The following ARHGEF10 variants were observed in gnomAD, a reference collection of about 807,000 sequenced individuals.
ARHGEF10 encodes Rho guanine nucleotide exchange factor 10, also known as Rho guanine nucleotide exchange factor (GEF) 10.
ARHGEF10 carries 140 observed loss-of-function variants against 147.4 expected under a neutral mutation model. That is an observed-to-expected ratio of 0.95 (90% confidence interval 0.83 to 1.09). The LOEUF is 1.09. Among genes scored for constraint, ARHGEF10 ranks in the 50% least tolerant of loss-of-function variants. The pLI is 0.00. For missense variants in ARHGEF10, 2,222 were observed against 1,752.7 expected (o/e 1.27, Z -4.78); for synonymous variants, 902 against 695.8 (o/e 1.30, Z -4.67).
chr8:1,889,398 G>A (rs1215581458), intron 11 of ARHGEF10, among the ~76,000 whole-genome samples: 2 of 87,056 alleles, frequency 2.3e-5, no homozygotes, highest in Non-Finnish European at 4.5e-5. Context: ...GTGATGTGAG[G>A]CATCTGTGAG....
chr8:1,943,132 A>G (rs1814245280), intron 26 of ARHGEF10, among the ~76,000 whole-genome samples: 1 of 152,222 alleles, frequency 6.6e-6, no homozygotes, highest in African/African-American at 2.4e-5. Flanking sequence ...GCCTGAAGCA[A>G]TGGCTGCGGG....
intron 7 of ARHGEF10, among the ~76,000 whole-genome samples, chr8:1,874,722 T>C (rs1313107485): frequency 1.5e-4 from 19 of 128,592 alleles, no homozygotes; most frequent in African/African-American, 4.0e-4. Context: ...CACACCGGGG[T>C]GTGTAAGCAG....
rs200619686 is a variant in ARHGEF10 at position 1,923,005 on chromosome 8, C to G, written c.2185C>G (p.Gln729Glu). 13 of 1,613,534 alleles carry G rather than the reference C, an allele frequency of 8.1e-6. No homozygotes were observed. The East Asian group carries it at 8.9e-5, about 11-fold the overall frequency. The change falls in exon 19 of 29, where the codon CAA becomes GAA. Residue 729 changes from glutamine to glutamate, a missense_variant. Coordinates refer to ENST00000349830, the MANE Select transcript of ARHGEF10 (RefSeq NM_014629.4). ...MGPGQLYQDLQNLLHDLNVIG... is the reference protein window; with the variant it reads ...MGPGQLYQDLENLLHDLNVIG... ...GCCAGGACAACTGTATCAAGATTTA[C>G]AAAACTTGTTGCATGACTTAAATGT...
chr8:1,943,353 G>A (rs143999504), intron 26 of ARHGEF10, among the ~76,000 whole-genome samples: 11 of 152,202 alleles, frequency 7.2e-5, no homozygotes, highest in African/African-American at 2.2e-4. Context: ...AGCCAGTGCC[G>A]CGAGGAGGCC....
At chr8:1,827,764 T>G (rs1030786328) in intron 1 of ARHGEF10, among the ~76,000 whole-genome samples, 3 of 152,292 alleles carry the variant, frequency 2.0e-5, no homozygotes, top group Admixed American at 2.0e-4. Context: ...GTGAAAAAGG[T>G]GTAAAATATT....
rs145146038 is a variant in ARHGEF10, at chr8:1,956,893, C to T, written c.3665C>T (p.Ala1222Val). The T allele has an allele frequency of 6.2e-7, 1 of 1,614,052 alleles. No individual in the cohort carries two copies. The highest frequency in any genetic ancestry group is 1.1e-5 in the South Asian group (1 of 91,076). The change falls in exon 29 of 29, where the codon GCA (alanine) becomes GTA (valine). Residue 1222 changes from alanine (A) to valine (V), a missense_variant. Coordinates refer to ENST00000349830, the MANE Select transcript of ARHGEF10 (RefSeq NM_014629.4). ...PEPQDEDQKD[A>V]LPSGGAGSSL... ...CCTCAGGACGAAGACCAGAAGGACG[C>T]ACTTCCGAGTGGAGGAGCTGGTTCA...
chr8:1,888,191 TGC>T (rs1808915672), intron 11 of ARHGEF10, among the ~76,000 whole-genome samples: 1 of 33,938 alleles, frequency 2.9e-5, no homozygotes, highest in Non-Finnish European at 5.7e-5. Context: ...GGTGAGGGTT[TGC>T]GAGGAGACAC....
intron 5 of ARHGEF10, among the ~76,000 whole-genome samples, chr8:1,865,816 AGTGTCT>A (rs1806555638): frequency 1.3e-5 from 2 of 152,162 alleles, no homozygotes; most frequent in African/African-American, 4.8e-5. Context: ...CCTTCCCAGC[AGTGTCT>A]CTGCGCTGCC....
At chr8:1,860,471 C>G (rs1020968862) in intron 4 of ARHGEF10, among the ~76,000 whole-genome samples, 8 of 150,812 alleles carry the variant, frequency 5.3e-5, no homozygotes, top group African/African-American at 1.2e-4. Context: ...CTCCTCCTCT[C>G]CATGCCCCTG....
intron 23 of ARHGEF10, among the ~76,000 whole-genome samples, chr8:1,928,223 A>T (rs568272668): frequency 1.3e-5 from 2 of 152,326 alleles, no homozygotes; most frequent in African/African-American, 4.8e-5. Flanking sequence ...TTGCTTTAAA[A>T]TTTTTTGAAA....
Position 1,876,738 on chromosome 8 carries a change from C to G in ARHGEF10, c.843+4C>G. 1 of 1,614,112 alleles carries G rather than the reference C, an allele frequency of 6.2e-7. No individual in the cohort carries two copies. The highest frequency in any genetic ancestry group is 8.5e-7 in the Non-Finnish European group (1 of 1,179,982). Reference sequence around the variant, plus strand: ...GCGCAGCAACCACAAAAAGCAAGTACGTGTTCCCTGCACATGTGAGGGATG... The same window carrying G: ...GCGCAGCAACCACAAAAAGCAAGTAGGTGTTCCCTGCACATGTGAGGGATG... On this transcript the variant is annotated splice_donor_region_variant and intron_variant, in intron 8 of 28. Coordinates refer to ENST00000349830, the MANE Select transcript of ARHGEF10 (RefSeq NM_014629.4).
intron 22 of ARHGEF10, among the ~76,000 whole-genome samples, chr8:1,925,831 T>C (rs1403249003): frequency 6.6e-6 from 1 of 152,210 alleles, no homozygotes; most frequent in Non-Finnish European, 1.5e-5. Context: ...GGGTGGCGTC[T>C]TATTAATGTT....
chr8:1,956,679 C>A, intron 28 of ARHGEF10, 70 bp from the exon 29 acceptor site: 1 of 1,584,784 alleles, frequency 6.3e-7, no homozygotes, highest in Non-Finnish European at 8.7e-7. Flanking sequence ...TTAAGCCCTG[C>A]ACTTTTTGCT....
chr8:1,861,794 G>A (rs768994660), intron 4 of ARHGEF10, among the ~76,000 whole-genome samples: 6 of 152,190 alleles, frequency 3.9e-5, no homozygotes, highest in South Asian at 2.1e-4. Context: ...CTCTGTGACC[G>A]CGGAGCATGA....
intron 26 of ARHGEF10, among the ~76,000 whole-genome samples, chr8:1,940,086 G>T (rs1183910998): frequency 6.6e-6 from 1 of 152,148 alleles, no homozygotes; most frequent in Non-Finnish European, 1.5e-5. Flanking sequence ...CCATGGGTTT[G>T]GTTTTTTTAA....
intron 14 of ARHGEF10, 34 bp from the exon 15 acceptor site, chr8:1,898,399 T>G (rs1810186036): frequency 6.2e-7 from 1 of 1,603,126 alleles, no homozygotes; most frequent in Non-Finnish European, 8.5e-7. Flanking sequence ...ATGGCAGCCC[T>G]GCAGGGAGGT....
chr8:1,876,330 AGGGGCAC>A, intron 7 of ARHGEF10: 2 of 574,166 alleles, frequency 3.5e-6, no homozygotes, highest in South Asian at 4.0e-5. Context: ...CAGATGGGGC[AGGGGCAC>A]TTGTGAGAAA....
rs376541162 is a variant in ARHGEF10 at position 1,894,585 on chromosome 8, G to C, written c.1440+13G>C. On this transcript the variant is annotated intron_variant, in intron 13 of 28. Coordinates refer to ENST00000349830, the MANE Select transcript of ARHGEF10 (RefSeq NM_014629.4). ...CTTCGTGGCTTCGGTAATTAAGCTG[G>C]GACACCTGGATGTCCATGGGGCTCT... The C allele has an allele frequency of 1.2e-6, 2 of 1,613,650 alleles. No homozygotes were observed. The highest frequency in any genetic ancestry group is 1.7e-6 in the Non-Finnish European group (2 of 1,179,814).
Position 1,864,390 on chromosome 8 carries a change from G to C in ARHGEF10, c.499G>C (p.Glu167Gln). The C allele has an allele frequency of 2.5e-6, 4 of 1,614,140 alleles. No individual in the cohort carries two copies. Among genetic ancestry groups the C allele is most frequent in the Non-Finnish European group, 3.4e-6 (4 of 1,180,032 alleles). The change falls in exon 5 of 29, where the codon GAA becomes CAA. Residue 167 changes from glutamate (E) to glutamine (Q), a missense_variant. Glu to Gln is a conservative substitution (Grantham distance 29). Transcript: ENST00000349830. ...LDEEETPEVT[E>Q]DRQPNSLSSE... is the part of the protein sequence containing the mutation. ...CCCAGCAGAAACACCAGAAGTCACA[G>C]AAGATCGCCAGCCCAATTCTCTGAG...
Sources: gnomAD v4.1 joint callset for allele counts (sites outside exome capture counted in the v4.1 genomes callset) on GRCh38, gnomAD v4.1.1 for gene constraint, MANE v1.5 for transcripts, NCBI Gene and HGNC (gene_info 2026-07-23, HGNC 2026-07-21) for gene names.